Variants in SYNJ2 observed in about 807,000 individuals in gnomAD.
SYNJ2 encodes synaptojanin 2, also known as polyphosphatidylinositol phosphatase SYNJ2.
A neutral mutation model predicts 141.3 loss-of-function variants in SYNJ2; 116 were observed. That is an observed-to-expected ratio of 0.82 (90% CI 0.71 to 0.96). The LOEUF (loss-of-function observed/expected upper bound fraction) is 0.96. Ranked by LOEUF, SYNJ2 falls within the 40% of genes least tolerant of loss-of-function variation. SYNJ2 has a pLI of 0.00. For synonymous variants in SYNJ2, 745 were observed against 777.7 expected (o/e 0.96, Z 0.70); for missense variants, 1,873 against 1,934.8 (o/e 0.97, Z 0.60).
chr6:158,092,616 T>G (rs1052554309), intron 25 of SYNJ2, among the ~76,000 whole-genome samples: 1 of 152,046 alleles, frequency 6.6e-6, no homozygotes, highest in Non-Finnish European at 1.5e-5. Flanking sequence ...ATTTTAAAAA[T>G]TGGCTGGGCG....
rs188827824 is a variant in SYNJ2 at position 157,993,838 on chromosome 6, G to A, written c.127+11750G>A. 5.2e-3 allele frequency among the ~76,000 whole-genome samples: 569 copies of A among 108,644 alleles called. 12 individuals are homozygous for A. Among genetic ancestry groups the A allele is most frequent in the African/African-American group, 0.019 (547 of 29,180 alleles). The allele number at this position is 108,644 out of a possible 152,430, so 71.3% of individuals were successfully genotyped here. A position where few individuals can be genotyped will look rare whatever the true frequency, so the allele number is the denominator to read the frequency against. ...TTTTTTTTTTTTTTTTTTTTGGGAC[G>A]GAGTCTCGCTCTGTCTCCCAGGCTA... On this transcript the variant is annotated intron_variant, in intron 1 of 26. Transcript: ENST00000355585.
chr6:158,009,692 G>T (rs1392347176), intron 1 of SYNJ2, among the ~76,000 whole-genome samples: 2 of 152,210 alleles, frequency 1.3e-5, no homozygotes, highest in Non-Finnish European at 2.9e-5. Flanking sequence ...AAGAAAGGGG[G>T]GATGGAAGTT....
chr6:157,986,626 C>T (rs1447147158), intron 1 of SYNJ2, among the ~76,000 whole-genome samples: 8 of 152,336 alleles, frequency 5.3e-5, no homozygotes, highest in Non-Finnish European at 1.0e-4. Flanking sequence ...TGAGCCACCA[C>T]GCCCGGCCTT....
At chr6:158,061,568 A>T (rs967796241) in intron 7 of SYNJ2, among the ~76,000 whole-genome samples, 1 of 152,128 alleles carries the variant, frequency 6.6e-6, no homozygotes, top group African/African-American at 2.4e-5. Context: ...GGGGCCGGTT[A>T]CTAGGGCAAC....
chr6:158,062,775 T>G (rs548723043), intron 8 of SYNJ2, among the ~76,000 whole-genome samples: 1 of 152,262 alleles, frequency 6.6e-6, no homozygotes, highest in Admixed American at 6.5e-5. Flanking sequence ...ATTTAAATAC[T>G]CTGGCCTCGT....
intron 11 of SYNJ2, among the ~76,000 whole-genome samples, chr6:158,065,621 G>T (rs142859108): frequency 6.6e-6 from 1 of 152,206 alleles, no homozygotes. Flanking sequence ...TACAAGTGTC[G>T]CTTTAGAAAT....
chr6:157,993,702 T>C (rs556685135), intron 1 of SYNJ2, among the ~76,000 whole-genome samples: 3 of 147,372 alleles, frequency 2.0e-5, no homozygotes, highest in Non-Finnish European at 3.0e-5. Context: ...ACTTTCATTC[T>C]TGCATAGCTT....
chr6:158,058,492 T>C (rs1781006455), intron 6 of SYNJ2, among the ~76,000 whole-genome samples: 1 of 152,250 alleles, frequency 6.6e-6, no homozygotes, highest in South Asian at 2.1e-4. Flanking sequence ...CTCCTTGTTG[T>C]GGTTTAGCAT....
At chr6:158,092,055 G>A (rs1783492390) in intron 25 of SYNJ2, among the ~76,000 whole-genome samples, 1 of 151,154 alleles carries the variant, frequency 6.6e-6, no homozygotes, top group Admixed American at 6.6e-5. Context: ...CCAATGAATG[G>A]TACACTTAGA....
chr6:158,048,499 C>T (rs1020481026), intron 5 of SYNJ2, among the ~76,000 whole-genome samples: 2 of 152,174 alleles, frequency 1.3e-5, no homozygotes, highest in Admixed American at 6.5e-5. Context: ...CCCATACCAG[C>T]AGCTACTCAA....
At chr6:158,010,165 C>T (rs957799235) in intron 1 of SYNJ2, among the ~76,000 whole-genome samples, 1 of 152,340 alleles carries the variant, frequency 6.6e-6, no homozygotes, top group Middle Eastern at 3.4e-3. Flanking sequence ...AGCAATCCTC[C>T]TGCCTTGGCC....
chr6:157,985,750 GCGGGC>G (rs1777176840), intron 1 of SYNJ2, among the ~76,000 whole-genome samples: 5 of 152,192 alleles, frequency 3.3e-5, no homozygotes. Flanking sequence ...TGTTTACAGT[GCGGGC>G]TGTGTGTGAG....
Position 158,033,633 on chromosome 6 carries a change from G to A in SYNJ2, c.664G>A (p.Gly222Ser). The A allele has an allele frequency of 6.2e-7, 1 of 1,613,004 alleles. No homozygotes were observed. Among genetic ancestry groups the A allele is most frequent in the South Asian group, 1.1e-5 (1 of 91,084 alleles). Reference sequence around the variant, plus strand: ...CACAGGCACTCGCTTCCACACCCGTGGCGTGAACGACGACGGCCATGTGTC... The same window carrying A: ...CACAGGCACTCGCTTCCACACCCGTAGCGTGAACGACGACGGCCATGTGTC... ...ERTGTRFHTR[G>S]VNDDGHVSNF... The change falls in exon 4 of 27, where the codon GGC (glycine) becomes AGC (serine). Residue 222 changes from glycine (G) to serine (S), a missense_variant. Physicochemically the swap from Gly to Ser is moderately conservative, Grantham distance 56. Coordinates refer to ENST00000355585, the MANE Select transcript of SYNJ2 (RefSeq NM_003898.4).
chr6:158,075,585 G>A (rs577786241), intron 16 of SYNJ2, among the ~76,000 whole-genome samples: 1 of 151,798 alleles, frequency 6.6e-6, no homozygotes, highest in South Asian at 2.1e-4. Flanking sequence ...AAGTTGCAGT[G>A]AGCCGAGATC....
intron 20 of SYNJ2, among the ~76,000 whole-genome samples, chr6:158,081,796 T>A (rs1341933012): frequency 6.6e-6 from 1 of 151,800 alleles, no homozygotes; most frequent in Admixed American, 6.6e-5. Context: ...TAATTTTTTT[T>A]AAATTTTGTA....
chr6:158,096,176 G>C lies in SYNJ2; in HGVS notation c.4303G>C (p.Asp1435His). The C allele has an allele frequency of 3.1e-6, 5 of 1,614,244 alleles. No homozygotes were observed. Among genetic ancestry groups the C allele is most frequent in the Non-Finnish European group, 4.2e-6 (5 of 1,180,048 alleles). Residue 1435 changes from aspartate (D) to histidine (H), a missense_variant, in exon 27 of 27, where the codon GAC becomes CAC. Transcript: ENST00000355585. The stretch of plus-strand genomic sequence containing the variant: ...TAACACTTGGCTTTCTAAGAGCTCA[G>C]ACCCTTTGGACTCAGGAACCAGGAG... ...LNNTWLSKSS[D>H]PLDSGTRSPK...
intron 1 of SYNJ2, among the ~76,000 whole-genome samples, chr6:158,007,829 G>C (rs374715393): frequency 1.2e-3 from 187 of 152,162 alleles, no homozygotes; most frequent in African/African-American, 3.4e-3. Flanking sequence ...TTTTAGTAGA[G>C]ACTAAAAACA....
intron 1 of SYNJ2, among the ~76,000 whole-genome samples, chr6:158,004,444 C>T (rs1352705356): frequency 3.3e-5 from 5 of 152,188 alleles, no homozygotes; most frequent in African/African-American, 1.2e-4. Context: ...CTCGCACCAG[C>T]ACCATGACAG....
chr6:158,042,552 G>T (rs976564521), intron 4 of SYNJ2, among the ~76,000 whole-genome samples: 3 of 152,256 alleles, frequency 2.0e-5, no homozygotes, highest in Non-Finnish European at 4.4e-5. Context: ...GCCCCTGCTG[G>T]CGCTCAGGAT....
Sources: allele counts gnomAD v4.1 joint callset (sites outside exome capture counted in the v4.1 genomes callset), GRCh38; gene constraint gnomAD v4.1.1; transcripts MANE v1.5; gene names NCBI Gene and HGNC (gene_info 2026-07-23, HGNC 2026-07-21).